The following MST1R variants were observed in gnomAD, a reference collection of about 807,000 sequenced individuals.
The protein encoded by MST1R is macrophage stimulating 1 receptor.
A neutral mutation model predicts 117.8 loss-of-function variants in MST1R; 99 were observed. The observed-to-expected ratio is 0.84, with a 90% confidence interval of 0.71 to 0.99. The LOEUF is 0.99. MST1R is among the 50% of genes least tolerant of loss of function. The pLI is 0.00. For missense variants in MST1R, 1,683 were observed against 1,840.2 expected, an observed-to-expected ratio of 0.91 and a Z score of 1.56; for synonymous variants, 734 against 765.3, an observed-to-expected ratio of 0.96 and a Z score of 0.68.
intron 1 of MST1R, among the ~76,000 whole-genome samples, chr3:49,901,592 C>T (rs1010796871): frequency 6.6e-6 from 1 of 152,152 alleles, no homozygotes; most frequent in African/African-American, 2.4e-5. Flanking sequence ...TAGAGTGAGG[C>T]TCCCAGAACC....
chr3:49,902,734 G>A lies in MST1R; in HGVS notation c.876C>T (p.Asp292=). 1.9e-6 allele frequency: 3 copies of A among 1,613,838 alleles called. No individual in the cohort carries two copies. Among genetic ancestry groups the A allele is most frequent in the Non-Finnish European group, 2.5e-6 (3 of 1,180,042 alleles). Residue 292 remains aspartate, a synonymous_variant, in exon 1 of 20, where the codon GAC becomes GAT. Transcript: ENST00000296474. Reference sequence around the variant, plus strand: ...TGCAGTCGAGGACCAGCTCCCGATAGTCACCCAACTCTGGCTCAGTGGCGC... The same window carrying A: ...TGCAGTCGAGGACCAGCTCCCGATAATCACCCAACTCTGGCTCAGTGGCGC... The part of the protein sequence containing the change: ...RLSATEPELG[D]YRELVLDCRF...
In MST1R at chr3:49,897,612, G is replaced by A. The variant is rs2082525500; in HGVS notation, c.1954C>T (p.Pro652Ser). Reference protein sequence around the residue: ...LEPLGTQAVGPTNVSLTVTNM... With the variant: ...LEPLGTQAVGSTNVSLTVTNM... ...GTCACGGTGAGGCTGACGTTGGTAG[G>A]CCCCACTGCCTGGGTGCCCAAGGGC... Residue 652 changes from proline to serine, a missense_variant, in exon 6 of 20, where the codon CCT becomes TCT. Physicochemically the swap from Pro to Ser is moderately conservative, Grantham distance 74. Transcript: ENST00000296474. The A allele has an allele frequency of 6.2e-7, 1 of 1,614,034 alleles. No homozygotes were observed. Among genetic ancestry groups the A allele is most frequent in the Admixed American group, 1.7e-5 (1 of 60,008 alleles).
In MST1R at chr3:49,891,526, C is replaced by T. The variant is rs140250708; in HGVS notation, c.3407G>A (p.Arg1136His). Reference protein sequence around the residue: ...EAFLREGLLMRGLNHPNVLAL... With the variant: ...EAFLREGLLMHGLNHPNVLAL... ...CAGCACATTCGGGTGGTTCAGGCCA[C>T]GCATGAGCAGCCCCTCTCGCAGGAA... The change falls in exon 16 of 20, where the codon CGT (arginine) becomes CAT (histidine). Residue 1136 changes from arginine to histidine, a missense_variant. Physicochemically the swap from Arg to His is conservative, Grantham distance 29. Transcript: ENST00000296474. 11 of 1,613,862 alleles carry T rather than the reference C, an allele frequency of 6.8e-6. No homozygotes were observed. The highest frequency in any genetic ancestry group is 5.3e-5 in the African/African-American group (4 of 74,924).
rs1054485487 is a variant in MST1R at position 49,899,154 on chromosome 3, T to C, written c.1340A>G (p.Gln447Arg). The C allele has an allele frequency of 6.2e-7, 1 of 1,614,142 alleles. No homozygotes were observed. The highest frequency in any genetic ancestry group is 1.1e-5 in the South Asian group (1 of 91,088). ...GCGTGTCACATACAATGCAGTGACC[T>C]GTACTGGTCCCAACAGCCCATTGAA... ...DLFNGLLGPV[Q>R]VTALYVTRLD... is the part of the protein sequence containing the mutation. Residue 447 changes from glutamine (Q) to arginine (R), a missense_variant, in exon 2 of 20, where the codon CAG becomes CGG. Gln to Arg is a conservative substitution (Grantham distance 43, BLOSUM62 1). Coordinates refer to ENST00000296474, the MANE Select transcript of MST1R (RefSeq NM_002447.4).
At chr3:49,888,087 T>A (rs938090487) in intron 19 of MST1R, among the ~76,000 whole-genome samples, 3 of 146,740 alleles carry the variant, frequency 2.0e-5, no homozygotes, top group Admixed American at 6.7e-5. Flanking sequence ...AGGTCAGGAG[T>A]TCGAGACCAG....
At chr3:49,888,475 G>T (rs187315932) in intron 19 of MST1R, among the ~76,000 whole-genome samples, 1 of 151,150 alleles carries the variant, frequency 6.6e-6, no homozygotes, top group East Asian at 1.9e-4. Context: ...GGTGGCACAC[G>T]CCTGTAGTCC....
intron 14 of MST1R, among the ~76,000 whole-genome samples, chr3:49,892,351 T>C (rs931403871): frequency 6.6e-6 from 1 of 151,506 alleles, no homozygotes; most frequent in Admixed American, 6.6e-5. Flanking sequence ...GGCGGGTGGA[T>C]CACGAGGTCA....
Position 49,897,345 on chromosome 3 carries a change from G to A in MST1R, c.2118C>T (p.Gly706=). ...RAGGTCLTLE[G]QSLSVGTSRA... ...GGCTGGTGCCTACAGACAGACTCTG[G>A]CCTTCAAGAGTGAGACAGGTGCCTC... is the stretch of plus-strand genomic sequence containing the variant. Residue 706 remains glycine (G), a synonymous_variant, in exon 7 of 20, where the codon GGC becomes GGT. Coordinates refer to ENST00000296474, the MANE Select transcript of MST1R (RefSeq NM_002447.4). 1 of 1,613,920 alleles carries A rather than the reference G, an allele frequency of 6.2e-7. No homozygotes were observed. Among genetic ancestry groups the A allele is most frequent in the Non-Finnish European group, 8.5e-7 (1 of 1,179,978 alleles).
Position 49,898,140 on chromosome 3 carries a change from G to GT in MST1R, c.1790dup (p.His597GlnfsTer8), listed in dbSNP as rs1559478716. The GT allele has an allele frequency of 6.2e-7, 1 of 1,614,096 alleles. No individual in the cohort carries two copies. Among genetic ancestry groups the GT allele is most frequent in the Admixed American group, 1.7e-5 (1 of 60,036 alleles). On this transcript the variant is annotated frameshift_variant, in exon 5 of 20. Coordinates refer to ENST00000296474, the MANE Select transcript of MST1R (RefSeq NM_002447.4). LOFTEE classifies it high-confidence loss of function. ...TTCCCTCAGGCACCAGACCAGAAGG[G>GT]TGAAGGTAGAAGTTGGAGCCACACA...
chr3:49,902,804 A>G lies in MST1R; in HGVS notation c.806T>C (p.Val269Ala). The G allele has an allele frequency of 6.2e-7, 1 of 1,613,852 alleles. No individual in the cohort carries two copies. Residue 269 changes from valine to alanine, a missense_variant, in exon 1 of 20, where the codon GTG (valine) becomes GCG (alanine). Val to Ala is a moderately conservative substitution (Grantham distance 64, BLOSUM62 0). Transcript: ENST00000296474. ...VYFLTVQPAS[V>A]TDDPSALHTR... ...GTGCAGGGCACTAGGATCATCTGTC[A>G]CGCTGGCCGGCTGTACAGTCAGGAA...
In MST1R at chr3:49,898,070, T is replaced by A. The variant is rs9819888; in HGVS notation, c.1861A>T (p.Lys621Ter). ...VGQSPCRPLP[K>*]DSSKLRPVPR... ...TTGTACCTGAGTTTTGAGCTGTCCT[T>A]GGGCAGTGGCCGGCAGGGACTTTGG... is the stretch of plus-strand genomic sequence containing the variant. Residue 621 changes from lysine to a stop codon, truncating the protein, a stop_gained, in exon 5 of 20, where the codon AAG (lysine) becomes TAG (stop). Transcript: ENST00000296474. LOFTEE classifies it high-confidence loss of function. 798 of 1,614,126 alleles carry A rather than the reference T, an allele frequency of 4.9e-4. 1 individual carries two copies. The African/African-American group carries it at 9.3e-3, about 19-fold the overall frequency.
Position 49,902,752 on chromosome 3 carries a change from A to C in MST1R, c.858T>G (p.Thr286=). The C allele has an allele frequency of 6.2e-7, 1 of 1,613,902 alleles. No homozygotes were observed. The highest frequency in any genetic ancestry group is 1.1e-5 in the South Asian group (1 of 91,088). The stretch of plus-strand genomic sequence containing the variant: ...CCCGATAGTCACCCAACTCTGGCTC[A>C]GTGGCGCTAAGCCGTGCCAGGCGTG... ...LHTRLARLSA[T]EPELGDYREL... The change falls in exon 1 of 20, where the codon ACT becomes ACG. Residue 286 remains threonine, a synonymous_variant. Transcript: ENST00000296474.
Position 49,903,020 on chromosome 3 carries a change from A to G in MST1R, c.590T>C (p.Phe197Ser). ...TVVEQGQASY[F>S]YVASSLDAAV... ...TGCGTCCAGTGAGGATGCCACGTAGAAATAGGAGGCCTGGCCTTGCTCAAC... is the reference window on the plus strand; with the variant it reads ...TGCGTCCAGTGAGGATGCCACGTAGGAATAGGAGGCCTGGCCTTGCTCAAC... The change falls in exon 1 of 20, where the codon TTC (phenylalanine) becomes TCC (serine). Residue 197 changes from phenylalanine (F) to serine (S), a missense_variant. Physicochemically the swap from Phe to Ser is radical, Grantham distance 155. Transcript: ENST00000296474. The G allele has an allele frequency of 6.2e-6, 10 of 1,612,834 alleles. No homozygotes were observed. The highest frequency in any genetic ancestry group is 8.5e-6 in the Non-Finnish European group (10 of 1,180,032).
Position 49,896,629 on chromosome 3 carries a change from A to C in MST1R, c.2350T>G (p.Ser784Ala), listed in dbSNP as rs760348454. 3.7e-6 allele frequency: 6 copies of C among 1,613,974 alleles called. No individual in the cohort carries two copies. The South Asian group carries it at 6.6e-5, about 18-fold the overall frequency. Residue 784 changes from serine (S) to alanine (A), a missense_variant, in exon 9 of 20, where the codon TCC (serine) becomes GCC (alanine). By Grantham distance (99) the Ser-to-Ala change is moderately conservative. Coordinates refer to ENST00000296474, the MANE Select transcript of MST1R (RefSeq NM_002447.4). ...TGCTGGCCACAGATGGTGATGTGGG[A>C]GTTGCTGTGGAAGAGGGTAGGGTGG... The part of the protein sequence containing the change: ...SISPNCGYIN[S>A]HITICGQHLT...
chr3:49,896,383 G>A lies in MST1R; in HGVS notation c.2461C>T (p.Gln821Ter), dbSNP rs2082472895. The A allele has an allele frequency of 6.2e-7, 1 of 1,613,478 alleles. No individual in the cohort carries two copies. The highest frequency in any genetic ancestry group is 1.3e-5 in the African/African-American group (1 of 75,046). ...TATTCAGGAAGGCGGCACAGCTGCT[G>A]CTCTGGAAGCTGCCTCTCACACTGC... The part of the protein sequence containing the change: ...ESRCERQLPE[Q>*]QLCRLPEYVV... The change falls in exon 10 of 20, where the codon CAG (glutamine) becomes TAG (stop). Residue 821 changes from glutamine (Q) to a stop codon, truncating the protein, a stop_gained. Coordinates refer to ENST00000296474, the MANE Select transcript of MST1R (RefSeq NM_002447.4). LOFTEE classifies it high-confidence loss of function.
In MST1R at chr3:49,891,267, C is replaced by A. The variant is rs770355605; in HGVS notation, c.3574G>T (p.Val1192Leu). ...VKDLISFGLQ[V>L]ARGMEYLAEQ... is the part of the protein sequence containing the mutation. Reference sequence around the variant, plus strand: ...GCCAGGTACTCCATGCCGCGGGCTACCTGCAGGCCAAAGCTGATGAGGTCC... The same window carrying A: ...GCCAGGTACTCCATGCCGCGGGCTAACTGCAGGCCAAAGCTGATGAGGTCC... Residue 1192 changes from valine to leucine, a missense_variant, in exon 17 of 20, where the codon GTA becomes TTA. By Grantham distance (32) the Val-to-Leu change is conservative. Coordinates refer to ENST00000296474, the MANE Select transcript of MST1R (RefSeq NM_002447.4). 1.2e-6 allele frequency: 2 copies of A among 1,614,184 alleles called. No homozygotes were observed. Among genetic ancestry groups the A allele is most frequent in the Non-Finnish European group, 1.7e-6 (2 of 1,180,054 alleles).
At position 49,902,836 on chromosome 3, in the gene MST1R, G is replaced by A. The variant is rs147876136; in HGVS notation, c.774C>T (p.Phe258=). ...CCGGCTGTACAGTCAGGAAGTATAC[G>A]AAGGCTCCCGTGTGGAAGCTGTGCA... ...EYVHSFHTGA[F]VYFLTVQPAS... Residue 258 remains phenylalanine, a synonymous_variant, in exon 1 of 20, where the codon TTC becomes TTT. Coordinates refer to ENST00000296474, the MANE Select transcript of MST1R (RefSeq NM_002447.4). The A allele has an allele frequency of 4.7e-4, 755 of 1,613,698 alleles. 3 individuals carry two copies. In the African/African-American group the frequency reaches 8.8e-3, roughly 19 times the overall value.
At position 49,903,636 on chromosome 3, in the gene MST1R, C is replaced by T. The variant is rs768790174; in HGVS notation, c.-27G>A. The T allele has an allele frequency of 1.3e-6, 2 of 1,538,818 alleles. No homozygotes were observed. Among genetic ancestry groups the T allele is most frequent in the Non-Finnish European group, 1.7e-6 (2 of 1,149,348 alleles). On this transcript the variant is annotated 5_prime_UTR_variant, in exon 1 of 20. Coordinates refer to ENST00000296474, the MANE Select transcript of MST1R (RefSeq NM_002447.4). Reference sequence around the variant, plus strand: ...GAGGCGAGCTGGGACCCTAGAGGATCCCTACCGGCCTGGGCCTGGACCTGG... The same window carrying T: ...GAGGCGAGCTGGGACCCTAGAGGATTCCTACCGGCCTGGGCCTGGACCTGG...
intron 1 of MST1R, among the ~76,000 whole-genome samples, chr3:49,900,528 G>GA (rs952758259): frequency 6.6e-6 from 1 of 151,928 alleles, no homozygotes; most frequent in Non-Finnish European, 1.5e-5. Context: ...CCTCAGCACT[G>GA]ATTAGTAGCC....
Sources: gnomAD v4.1 joint callset for allele counts (sites outside exome capture counted in the v4.1 genomes callset) on GRCh38, gnomAD v4.1.1 for gene constraint, MANE v1.5 for transcripts, NCBI Gene and HGNC (gene_info 2026-07-23, HGNC 2026-07-21) for gene names.